The following ATG7 variants were observed in gnomAD, a reference collection of about 807,000 sequenced individuals.
ATG7 encodes the protein autophagy related 7.
In ATG7, 70 loss-of-function variants were observed where a neutral mutation model predicts 82.4. The observed-to-expected ratio is 0.85, with a 90% CI of 0.70 to 1.04. The LOEUF (loss-of-function observed/expected upper bound fraction) is 1.04, where lower values mean the gene tolerates loss of function less well. Among genes scored for constraint, ATG7 ranks in the 50% least tolerant of loss-of-function variants. ATG7 has a pLI of 0.00. For missense variants in ATG7, 792 were observed against 864.3 expected (o/e 0.92, Z 1.05); for synonymous variants, 287 against 313.0 (o/e 0.92, Z 0.88).
chr3:11,337,129 C>T (rs1024769770), intron 11 of ATG7, among the ~76,000 whole-genome samples: 3 of 152,152 alleles, frequency 2.0e-5, no homozygotes, highest in African/African-American at 7.2e-5. Flanking sequence ...TGCTTGCCCA[C>T]TATGGGAGAC....
At position 11,490,049 on chromosome 3, in the gene ATG7, T is replaced by A. The variant is rs1036931590; in HGVS notation, c.2079+63123T>A. Among the ~76,000 whole-genome samples the A allele has an allele frequency of 3.9e-5, 6 of 152,090 alleles. 1 individual carries two copies. The highest frequency in any genetic ancestry group is 2.0e-4 in the Admixed American group (3 of 15,268). Reference sequence around the variant, plus strand: ...GGTATCCTTGTTAACTTTCTGTCTCTTTGATCTGTCTAATGTTGACAGTGG... The same window carrying A: ...GGTATCCTTGTTAACTTTCTGTCTCATTGATCTGTCTAATGTTGACAGTGG... On this transcript the variant is annotated intron_variant, in intron 20 of 20. Transcript: ENST00000693202.
At chr3:11,473,157 A>G (rs79978351) in intron 20 of ATG7, among the ~76,000 whole-genome samples, 2 of 152,332 alleles carry the variant, frequency 1.3e-5, no homozygotes, top group East Asian at 3.9e-4. Flanking sequence ...AGGAATAATA[A>G]AACATTATAG....
intron 18 of ATG7, among the ~76,000 whole-genome samples, chr3:11,365,838 T>C (rs1056357600): frequency 3.3e-5 from 5 of 152,136 alleles, no homozygotes. Context: ...CTTTCAAAGG[T>C]CTTGTGAGTT....
At chr3:11,415,405 C>T (rs939937753) in intron 19 of ATG7, among the ~76,000 whole-genome samples, 26 of 152,116 alleles carry the variant, frequency 1.7e-4, no homozygotes, top group Non-Finnish European at 3.7e-4. Flanking sequence ...TTACCTTTAG[C>T]TTACTGTAAC....
At chr3:11,564,994 G>A in the ATG7 span, 60 of 1,513,370 alleles carry the variant, frequency 4.0e-5, no homozygotes, top group Middle Eastern at 3.5e-4. Context: ...GGGTCTCTGC[G>A]GCAGTCTCCA....
At chr3:11,354,517 C>T (rs1276144067) in intron 14 of ATG7, among the ~76,000 whole-genome samples, 2 of 151,738 alleles carry the variant, frequency 1.3e-5, no homozygotes, top group South Asian at 2.1e-4. Flanking sequence ...GGCGTGGTGG[C>T]GCACACCTGT....
chr3:11,323,717 A>G (rs1950500175), intron 9 of ATG7, among the ~76,000 whole-genome samples: 1 of 152,246 alleles, frequency 6.6e-6, no homozygotes, highest in Non-Finnish European at 1.5e-5. Context: ...CAAGAGCAAT[A>G]GCCAAGGAGC....
chr3:11,544,265 C>T (rs2071083865), intron 20 of ATG7, among the ~76,000 whole-genome samples: 1 of 152,194 alleles, frequency 6.6e-6, no homozygotes. Flanking sequence ...TGGGCCTTCA[C>T]CCGGCAGCAC....
At chr3:11,332,820 AG>A in intron 10 of ATG7, 151 bp from the exon 11 acceptor site, 1 of 719,468 alleles carries the variant, frequency 1.4e-6, no homozygotes, top group East Asian at 3.4e-5. Context: ...TGTTCAAAAG[AG>A]TTAAGGCCAT....
chr3:11,498,734 T>C (rs114294839), intron 20 of ATG7, among the ~76,000 whole-genome samples: 224 of 152,354 alleles, frequency 1.5e-3, no homozygotes, highest in African/African-American at 5.0e-3. Context: ...TTGCTCTTTC[T>C]CCTTTCTGTA....
At chr3:11,331,469 G>A in intron 10 of ATG7, 41 bp downstream of exon 10, 2 of 1,439,282 alleles carry the variant, frequency 1.4e-6, no homozygotes, top group Non-Finnish European at 2.0e-6. Context: ...GTCTGCCTTT[G>A]CCAGTATATG....
downstream of ATG7, chr3:11,559,404 G>GGTTGCA: frequency 6.4e-7 from 1 of 1,562,904 alleles, no homozygotes; most frequent in South Asian, 1.2e-5. Flanking sequence ...CAGTGCGAGA[G>GGTTGCA]GTTGCAGTTG....
intron 19 of ATG7, among the ~76,000 whole-genome samples, chr3:11,414,627 T>C (rs1362577495): frequency 6.6e-6 from 1 of 152,160 alleles, no homozygotes; most frequent in Non-Finnish European, 1.5e-5. Context: ...GTTCCTGTTT[T>C]CTTGCCTTCT....
intron 3 of ATG7, among the ~76,000 whole-genome samples, chr3:11,285,556 A>G (rs1943854070): frequency 6.6e-6 from 1 of 152,124 alleles, no homozygotes; most frequent in Non-Finnish European, 1.5e-5. Context: ...ACATAGGTAT[A>G]TGCCTTGTAA....
chr3:11,554,839 T>G lies in ATG7; in HGVS notation c.2108T>G (p.Ile703Ser), dbSNP rs759992025. ...TGGGACATGAGCGATGATGAGACCA[T>G]CTGAGATGGCCCCGCTGTGGGGCTG... ...EIWDMSDDET[I>S] The change falls in exon 21 of 21, where the codon ATC becomes AGC. Residue 703 changes from isoleucine to serine, a missense_variant. By Grantham distance (142) the Ile-to-Ser change is moderately radical (BLOSUM62 -2). Transcript: ENST00000693202. 2.5e-6 allele frequency: 4 copies of G among 1,612,956 alleles called. No homozygotes were observed. In the African/African-American group the frequency reaches 4.0e-5, roughly 16 times the overall value.
chr3:11,510,142 G>A (rs1209201538), intron 20 of ATG7: 1 of 446,578 alleles, frequency 2.2e-6, no homozygotes, highest in Admixed American at 2.4e-5. Context: ...GTACGTGCCT[G>A]ACACAGAGTT....
chr3:11,493,338 C>T (rs1011228927), intron 20 of ATG7, among the ~76,000 whole-genome samples: 1 of 152,230 alleles, frequency 6.6e-6, no homozygotes, highest in Non-Finnish European at 1.5e-5. Context: ...CTCCTCTCTG[C>T]CAGCTGAGCC....
At chr3:11,275,872 T>C (rs1424268178) in intron 1 of ATG7, among the ~76,000 whole-genome samples, 2 of 152,144 alleles carry the variant, frequency 1.3e-5, no homozygotes, top group Admixed American at 1.3e-4. Context: ...TTCATCCCAG[T>C]TACCATCCTT....
chr3:11,413,448 C>G (rs933244878), intron 19 of ATG7, among the ~76,000 whole-genome samples: 8 of 152,112 alleles, frequency 5.3e-5, no homozygotes, highest in African/African-American at 1.9e-4. Flanking sequence ...CCACTTTCTT[C>G]AGTTTATATG....
Sources: gnomAD v4.1 joint callset for allele counts (sites outside exome capture counted in the v4.1 genomes callset) on GRCh38, gnomAD v4.1.1 for gene constraint, MANE v1.5 for transcripts, NCBI Gene and HGNC (gene_info 2026-07-23, HGNC 2026-07-21) for gene names.